ARMC6: variants seen among roughly 807,000 people sequenced by gnomAD.
The protein encoded by ARMC6 is armadillo repeat-containing protein 6.
A neutral mutation model predicts 49.2 loss-of-function variants in ARMC6; 43 were observed. That is an observed-to-expected ratio of 0.87 (90% confidence interval 0.69 to 1.13). ARMC6 has a LOEUF of 1.13. ARMC6 is among the 50% of genes most tolerant of loss of function. ARMC6 has a pLI of 0.00. For synonymous variants in ARMC6, 262 were observed against 289.6 expected, an observed-to-expected ratio of 0.90 and a Z score of 0.97; for missense variants, 627 against 682.0, an observed-to-expected ratio of 0.92 and a Z score of 0.90.
At chr19:19,038,762 C>T (rs756734332) in intron 2 of ARMC6, among the ~76,000 whole-genome samples, 16 of 151,902 alleles carry the variant, frequency 1.1e-4, no homozygotes, top group African/African-American at 2.4e-4. Context: ...GACGGGGTTT[C>T]GCCATGTTGG....
At position 19,054,282 on chromosome 19, in the gene ARMC6, C is replaced by T. The variant is rs766606412; in HGVS notation, c.984C>T (p.Asp328=). 3.1e-6 allele frequency: 5 copies of T among 1,606,222 alleles called. No individual in the cohort carries two copies. The African/African-American group carries it at 5.4e-5, about 17-fold the overall frequency. Residue 328 remains aspartate, a synonymous_variant, in exon 6 of 9, where the codon GAC becomes GAT. Coordinates refer to ENST00000535612, the MANE Select transcript of ARMC6 (RefSeq NM_001199196.2). ...GCATTCTGGTGTCCCTGCTAGCCGACTGCAATGACCACCAGATGAGGGACC... is the reference window on the plus strand; with the variant it reads ...GCATTCTGGTGTCCCTGCTAGCCGATTGCAATGACCACCAGATGAGGGACC... ...GLSILVSLLA[D]CNDHQMRDQS...
chr19:19,047,228 C>G (rs866795741), intron 4 of ARMC6, among the ~76,000 whole-genome samples: 4 of 152,136 alleles, frequency 2.6e-5, no homozygotes, highest in Admixed American at 2.0e-4. Context: ...CCTGCCTTGT[C>G]CCTCCCACCA....
At chr19:19,047,525 G>T (rs2059461189) in intron 4 of ARMC6, among the ~76,000 whole-genome samples, 1 of 152,176 alleles carries the variant, frequency 6.6e-6, no homozygotes, top group Non-Finnish European at 1.5e-5. Flanking sequence ...GGAAGTTGTA[G>T]AATGAAAGGC....
At chr19:19,043,023 C>T in intron 3 of ARMC6, 146 bp downstream of exon 3, 1 of 1,000,716 alleles carries the variant, frequency 1.0e-6, no homozygotes, top group South Asian at 1.6e-5. Context: ...CAGCTTCTGC[C>T]CGAGGCAGGC....
intron 4 of ARMC6, among the ~76,000 whole-genome samples, chr19:19,045,712 C>T (rs1377586167): frequency 2.8e-4 from 42 of 150,828 alleles, no homozygotes; most frequent in Non-Finnish European, 2.1e-4. Flanking sequence ...AGTGCAGTGG[C>T]GTGATCTTGG....
At chr19:19,042,165 G>C (rs1306299817) in intron 2 of ARMC6, among the ~76,000 whole-genome samples, 2 of 152,064 alleles carry the variant, frequency 1.3e-5, no homozygotes, top group African/African-American at 2.4e-5. Flanking sequence ...CCAAAGTGTT[G>C]GGATTATAGG....
Position 19,057,630 on chromosome 19 carries a change from C to T in ARMC6, c.*2C>T. 1 of 1,611,552 alleles carries T rather than the reference C, an allele frequency of 6.2e-7. No homozygotes were observed. The highest frequency in any genetic ancestry group is 1.1e-5 in the South Asian group (1 of 91,066). On this transcript the variant is annotated 3_prime_UTR_variant, in exon 9 of 9. Coordinates refer to ENST00000535612, the MANE Select transcript of ARMC6 (RefSeq NM_001199196.2). ...CAGAGGGGCAACCTGGCGCCATGAC[C>T]CCAGGCCCAGTCTGGGCCGTGACTC...
At chr19:19,053,410 C>T (rs73008958) in intron 5 of ARMC6, among the ~76,000 whole-genome samples, 9,352 of 152,128 alleles carry the variant, frequency 0.061, 371 homozygotes, top group Middle Eastern at 0.15. Flanking sequence ...TCTCTTGAGC[C>T]TAGGAAGGAG....
At chr19:19,056,703 G>A (rs970895766) in intron 8 of ARMC6, among the ~76,000 whole-genome samples, 1 of 152,164 alleles carries the variant, frequency 6.6e-6, no homozygotes, top group African/African-American at 2.4e-5. Context: ...GGGACACCCT[G>A]TCCACACCTC....
chr19:19,056,037 C>T, intron 8 of ARMC6, 109 bp downstream of exon 8: 1 of 1,331,256 alleles, frequency 7.5e-7, no homozygotes, highest in South Asian at 1.5e-5. Context: ...GGGGCAAAGG[C>T]TCAGTCCCTA....
chr19:19,034,092 C>A (rs866097117), intron 1 of ARMC6, 39 bp from the exon 2 acceptor site: 2 of 701,054 alleles, frequency 2.9e-6, no homozygotes. Flanking sequence ...GCTTCCCTGG[C>A]ATTCGCTTTA....
At chr19:19,050,481 G>C (rs2059487118) in intron 4 of ARMC6, among the ~76,000 whole-genome samples, 1 of 152,188 alleles carries the variant, frequency 6.6e-6, no homozygotes, top group South Asian at 2.1e-4. Context: ...CTCCCAAAAT[G>C]CTGGGATTAC....
Position 19,051,687 on chromosome 19 carries a change from C to T in ARMC6, c.345C>T (p.Thr115=), listed in dbSNP as rs779897308. 6.2e-7 allele frequency: 1 copy of T among 1,613,680 alleles called. No individual in the cohort carries two copies. Among genetic ancestry groups the T allele is most frequent in the Non-Finnish European group, 8.5e-7 (1 of 1,179,946 alleles). Residue 115 remains threonine (T), a synonymous_variant, in exon 5 of 9, where the codon ACC becomes ACT. Transcript: ENST00000535612. ...CCCAGGAGGTGTCAGCATACCTCAC[C>T]CGCTTCTGCGACCAGTGCAAACAGG... ...SRPQEVSAYL[T]RFCDQCKQDK...
intron 3 of ARMC6, 24 bp from the exon 4 acceptor site, chr19:19,043,968 G>C: frequency 1.2e-6 from 2 of 1,609,362 alleles, no homozygotes; most frequent in Non-Finnish European, 1.7e-6. Context: ...ACCCCTGTGT[G>C]CTTGCTTCCC....
intron 4 of ARMC6, among the ~76,000 whole-genome samples, chr19:19,050,386 T>A (rs576020423): frequency 4.6e-5 from 7 of 152,318 alleles, no homozygotes; most frequent in African/African-American, 1.7e-4. Context: ...TAATTCTGTT[T>A]GATTTTCTTT....
In ARMC6 at chr19:19,055,315, C is replaced by T. The variant is rs1241495807; in HGVS notation, c.1074C>T (p.Asp358=). ...LSTLRAIAGN[D]DVKDAIVRAG... is the part of the protein sequence containing the mutation. ...CCCTGCGAGCCATCGCAGGCAACGA[C>T]GACGTGAAAGATGCTATTGTCCGTG... Residue 358 remains aspartate, a synonymous_variant, in exon 7 of 9, where the codon GAC becomes GAT. Transcript: ENST00000535612. This position sits in a 1 kb window ranked among gnomAD's most constrained non-coding sequence, Gnocchi z 5.7. 7 of 1,612,838 alleles carry T rather than the reference C, an allele frequency of 4.3e-6. No homozygotes were observed. Among genetic ancestry groups the T allele is most frequent in the Middle Eastern group, 1.6e-4 (1 of 6,070 alleles).
chr19:19,057,268 A>G lies in ARMC6; in HGVS notation c.1294-148A>G. ...GCTGCCAAGAGGGTAAAGTAGAGAG[A>G]TGGGTCTAGCTTGATACAGTATAGG... On this transcript the variant is annotated intron_variant, in intron 8 of 8. Coordinates refer to ENST00000535612, the MANE Select transcript of ARMC6 (RefSeq NM_001199196.2). The G allele has an allele frequency of 4.6e-6, 3 of 652,126 alleles. No homozygotes were observed. The South Asian group carries it at 6.2e-5, about 13-fold the overall frequency. The allele number at this position is 652,126 out of a possible 1,614,324, so 40.4% of individuals were successfully genotyped here.
intron 2 of ARMC6, among the ~76,000 whole-genome samples, chr19:19,041,972 C>T (rs768375343): frequency 1.4e-4 from 21 of 152,120 alleles, no homozygotes; most frequent in Non-Finnish European, 2.8e-4. Context: ...TGCAGTGGCG[C>T]AATCTTGGCC....
chr19:19,043,875 T>C, intron 3 of ARMC6, 117 bp from the exon 4 acceptor site: 1 of 863,828 alleles, frequency 1.2e-6, no homozygotes, highest in Non-Finnish European at 1.9e-6. Context: ...GGGAGGCTTC[T>C]GGAGTGGGGT....
Sources: gnomAD v4.1 joint callset for allele counts (sites outside exome capture counted in the v4.1 genomes callset) on GRCh38, gnomAD v4.1.1 for gene constraint, Gnocchi (gnomAD v3.1) non-coding constraint, MANE v1.5 for transcripts, NCBI Gene and HGNC (gene_info 2026-07-23, HGNC 2026-07-21) for gene names.